The following KPNA3 variants were observed in gnomAD, a reference collection of about 807,000 sequenced individuals.
KPNA3 encodes importin subunit alpha-4.
In KPNA3, 13 loss-of-function variants were observed where a neutral mutation model predicts 73.8. The observed-to-expected ratio is 0.18, with a 90% CI of 0.11 to 0.28. The LOEUF (loss-of-function observed/expected upper bound fraction) is 0.28, where lower values mean the gene tolerates loss of function less well. Among genes scored for constraint, KPNA3 ranks in the 10% least tolerant of loss-of-function variants. KPNA3 has a pLI of 1.00. For missense variants in KPNA3, 360 were observed against 618.1 expected, an observed-to-expected ratio of 0.58 and a Z score of 4.43; for synonymous variants, 186 against 206.9, an observed-to-expected ratio of 0.90 and a Z score of 0.87.
intron 1 of KPNA3, among the ~76,000 whole-genome samples, chr13:49,782,828 C>T (rs1289597124): frequency 6.6e-6 from 1 of 151,688 alleles, no homozygotes; most frequent in Admixed American, 6.6e-5. Flanking sequence ...TGCCACTGTA[C>T]TCCAGCCTGG....
At position 49,734,531 on chromosome 13, in the gene KPNA3, A is replaced by G. The variant is rs552386968; in HGVS notation, c.115-1485T>C. On this transcript the variant is annotated intron_variant, in intron 2 of 16. Transcript: ENST00000261667. ...AAAAATTATTTCACTCTTAGATAAA[A>G]TAATTGTAGAAAGGAATGTAGTGTT... 1.5e-3 allele frequency among the ~76,000 whole-genome samples: 224 copies of G among 152,320 alleles called. 2 individuals are homozygous for G. The highest frequency in any genetic ancestry group is 2.2e-4 in the Non-Finnish European group (15 of 68,032).
At position 49,701,780 on chromosome 13, in the gene KPNA3, G is replaced by C. The variant is rs1183971524; in HGVS notation, c.*20C>G. The stretch of plus-strand genomic sequence containing the variant: ...GGTGCTTCATATTGAATGTGGGAAA[G>C]ATGCTGCACTCAACTGAATTTAAAA... On this transcript the variant is annotated 3_prime_UTR_variant, in exon 17 of 17. Coordinates refer to ENST00000261667, the MANE Select transcript of KPNA3 (RefSeq NM_002267.4). 1.4e-6 allele frequency: 2 copies of C among 1,425,720 alleles called. No homozygotes were observed. The highest frequency in any genetic ancestry group is 2.0e-6 in the Non-Finnish European group (2 of 1,008,484). The allele number at this position is 1,425,720 out of a possible 1,614,324, so 88.3% of individuals were successfully genotyped here.
At chr13:49,703,347 A>C (rs1408954769) in intron 15 of KPNA3, among the ~76,000 whole-genome samples, 1 of 150,708 alleles carries the variant, frequency 6.6e-6, no homozygotes, top group African/African-American at 2.4e-5. Context: ...TGCCCAGCTA[A>C]TTTTTTGTGT....
chr13:49,735,753 G>C (rs777483811), intron 2 of KPNA3, among the ~76,000 whole-genome samples: 1 of 152,116 alleles, frequency 6.6e-6, no homozygotes, highest in Non-Finnish European at 1.5e-5. Flanking sequence ...ACGTATGCAT[G>C]TATCTACCTA....
At chr13:49,765,751 T>C (rs1189298925) in intron 1 of KPNA3, among the ~76,000 whole-genome samples, 2 of 152,204 alleles carry the variant, frequency 1.3e-5, no homozygotes, top group Non-Finnish European at 2.9e-5. Context: ...TCTCTATAGA[T>C]TTGAAAATGC....
rs1438882290 is a variant in KPNA3, at chr13:49,706,118, T to C, written c.1189A>G (p.Ile397Val). The C allele has an allele frequency of 6.2e-7, 1 of 1,613,910 alleles. No homozygotes were observed. The highest frequency in any genetic ancestry group is 1.7e-5 in the Admixed American group (1 of 59,956). Residue 397 changes from isoleucine (I) to valine (V), a missense_variant, in exon 14 of 17, where the codon ATA becomes GTA. Ile to Val is a conservative substitution (Grantham distance 29). Transcript: ENST00000261667. Reference protein sequence around the residue: ...EAAWAISNLTISGRKDQVEYL... With the variant: ...EAAWAISNLTVSGRKDQVEYL... Reference sequence around the variant, plus strand: ...CTCACCTGATCTTTTCTGCCACTTATTGTTAAGTTGCTGATTGCCCAAGCA... The same window carrying C: ...CTCACCTGATCTTTTCTGCCACTTACTGTTAAGTTGCTGATTGCCCAAGCA...
intron 2 of KPNA3, 55 bp downstream of exon 2, chr13:49,746,894 A>G: frequency 1.5e-6 from 2 of 1,337,848 alleles, no homozygotes; most frequent in East Asian, 4.6e-5. Flanking sequence ...AGATACACAG[A>G]ATTTTAACAT....
At position 49,713,674 on chromosome 13, in the gene KPNA3, C is replaced by CACACAAAA. The variant is rs563909268; in HGVS notation, c.772-2653_772-2652insTTTTGTGT. ...ACACACACACACACACACACACACA[C>CACACAAAA]AAAACAGAAAAACCCAACAACAAAA... is the stretch of plus-strand genomic sequence containing the variant. On this transcript the variant is annotated intron_variant, in intron 10 of 16. Coordinates refer to ENST00000261667, the MANE Select transcript of KPNA3 (RefSeq NM_002267.4). 1.1e-4 allele frequency among the ~76,000 whole-genome samples: 15 copies of CACACAAAA among 141,894 alleles called. No individual in the cohort carries two copies. The South Asian group carries it at 1.1e-3, about 11-fold the overall frequency. The allele number at this position is 141,894 out of a possible 152,430, so 93.1% of individuals were successfully genotyped here.
At chr13:49,765,722 A>G (rs1396358662) in intron 1 of KPNA3, among the ~76,000 whole-genome samples, 2 of 152,118 alleles carry the variant, frequency 1.3e-5, no homozygotes, top group Non-Finnish European at 2.9e-5. Context: ...GTCTTACAAA[A>G]CCATTTATCT....
chr13:49,778,740 TG>T (rs1954917558), intron 1 of KPNA3, among the ~76,000 whole-genome samples: 1 of 152,128 alleles, frequency 6.6e-6, no homozygotes, highest in South Asian at 2.1e-4. Context: ...CCTCCCAAGC[TG>T]GGACTACGGT....
At chr13:49,724,396 C>T (rs950815698) in intron 7 of KPNA3, among the ~76,000 whole-genome samples, 7 of 151,904 alleles carry the variant, frequency 4.6e-5, no homozygotes, top group African/African-American at 7.3e-5. Context: ...CTCCGCCTCC[C>T]GGGTTCACGC....
Position 49,705,618 on chromosome 13 carries a change from T to C in KPNA3, c.1372+3A>G. ...TACTCTTCTTCCATCAATCCACTCT[T>C]ACCTCCACATTCCTCTATTATTTCA... On this transcript the variant is annotated splice_donor_region_variant and intron_variant, in intron 15 of 16. Transcript: ENST00000261667. The C allele has an allele frequency of 6.2e-7, 1 of 1,613,112 alleles. No homozygotes were observed. The highest frequency in any genetic ancestry group is 8.5e-7 in the Non-Finnish European group (1 of 1,179,494).
In KPNA3 at chr13:49,728,457, G is replaced by A. The variant is rs553290842; in HGVS notation, c.384-2956C>T. On this transcript the variant is annotated intron_variant, in intron 6 of 16. Transcript: ENST00000261667. ...GTTGAGCAAACTTTCCCCTTGATAGGTGTCAAAACCATTGTGCCCAGATAA... is the reference window on the plus strand; with the variant it reads ...GTTGAGCAAACTTTCCCCTTGATAGATGTCAAAACCATTGTGCCCAGATAA... Among the ~76,000 whole-genome samples, 72 of 152,178 alleles carry A rather than the reference G, an allele frequency of 4.7e-4. 1 individual carries two copies. Among genetic ancestry groups the A allele is most frequent in the African/African-American group, 1.7e-3 (69 of 41,514 alleles).
intron 10 of KPNA3, among the ~76,000 whole-genome samples, chr13:49,718,989 T>C (rs1453511040): frequency 6.6e-6 from 1 of 151,774 alleles, no homozygotes; most frequent in Non-Finnish European, 1.5e-5. Context: ...AAAACACAAA[T>C]ATACAACAAA....
intron 5 of KPNA3, 32 bp from the exon 6 acceptor site, chr13:49,732,498 A>AT: frequency 6.7e-7 from 1 of 1,488,896 alleles, no homozygotes; most frequent in Admixed American, 1.8e-5. Context: ...ATTAATTGCT[A>AT]TAATTTTCAA....
intron 1 of KPNA3, among the ~76,000 whole-genome samples, chr13:49,752,975 C>T (rs9535323): frequency 0.21 from 29,156 of 139,152 alleles, 3,329 homozygotes; most frequent in Middle Eastern, 0.3. Context: ...TGCGGTGAGC[C>T]GAGATTGCGC....
chr13:49,737,911 T>G (rs1954539185), intron 2 of KPNA3, among the ~76,000 whole-genome samples: 1 of 152,186 alleles, frequency 6.6e-6, no homozygotes, highest in African/African-American at 2.4e-5. Context: ...CACAGCAAAA[T>G]TTTTAATTTA....
At chr13:49,777,319 AAAG>A (rs1954905455) in intron 1 of KPNA3, among the ~76,000 whole-genome samples, 1 of 152,214 alleles carries the variant, frequency 6.6e-6, no homozygotes, top group Non-Finnish European at 1.5e-5. Context: ...CAGGAAATGC[AAAG>A]AAAGTATACA....
intron 1 of KPNA3, among the ~76,000 whole-genome samples, chr13:49,791,914 AC>A (rs1020366570): frequency 1.5e-4 from 22 of 151,270 alleles, no homozygotes; most frequent in African/African-American, 4.6e-4. Context: ...GCTGGTCCCC[AC>A]CCCCCTCTGC....
Sources: gnomAD v4.1 joint callset for allele counts (sites outside exome capture counted in the v4.1 genomes callset) on GRCh38, gnomAD v4.1.1 for gene constraint, MANE v1.5 for transcripts, NCBI Gene and HGNC (gene_info 2026-07-23, HGNC 2026-07-21) for gene names.